TPRG1: variants seen among roughly 807,000 people sequenced by gnomAD.
The protein encoded by TPRG1 is tumor protein p63-regulated gene 1 protein.
Under a neutral mutation model 29.3 loss-of-function variants are expected in TPRG1, and 29 were observed. The ratio of observed to expected loss-of-function variants is 0.99; its 90% CI spans 0.74 to 1.35. The LOEUF (loss-of-function observed/expected upper bound fraction) is 1.35. Among genes scored for constraint, TPRG1 ranks in the 40% most tolerant of loss-of-function variants. TPRG1 has a pLI of 0.00. For missense variants in TPRG1, 327 were observed against 335.0 expected (o/e 0.98, Z 0.19); for synonymous variants, 130 against 116.8 (o/e 1.11, Z -0.73).
At chr3:189,137,942 A>G (rs1483192078) in intron 3 of TPRG1, among the ~76,000 whole-genome samples, 1 of 152,142 alleles carries the variant, frequency 6.6e-6, no homozygotes, top group Non-Finnish European at 1.5e-5. Flanking sequence ...GCCTTAGGGT[A>G]CCTAATTCCA....
intron 3 of TPRG1, among the ~76,000 whole-genome samples, chr3:189,018,368 A>C (rs201387721): frequency 0.071 from 10,655 of 149,598 alleles, 733 homozygotes; most frequent in African/African-American, 0.18. Flanking sequence ...TTTTAGGTCT[A>C]ACGTTTAAGT....
At chr3:189,233,092 G>C (rs1008644665) in intron 3 of TPRG1, among the ~76,000 whole-genome samples, 4 of 151,978 alleles carry the variant, frequency 2.6e-5, no homozygotes, top group Non-Finnish European at 4.4e-5. Context: ...GGTTTGAAGG[G>C]TGCATGAAGG....
chr3:189,243,531 C>A (rs748633756), intron 4 of TPRG1, among the ~76,000 whole-genome samples: 8 of 151,806 alleles, frequency 5.3e-5, no homozygotes, highest in Non-Finnish European at 8.8e-5. Flanking sequence ...CTGAATTCTT[C>A]CCCTGAAAAT....
chr3:189,023,312 G>T (rs1713472739), intron 3 of TPRG1, among the ~76,000 whole-genome samples: 1 of 152,200 alleles, frequency 6.6e-6, no homozygotes. Flanking sequence ...GTGATTGCAT[G>T]GTGAAGTTCT....
intron 1 of TPRG1, among the ~76,000 whole-genome samples, chr3:189,111,743 G>T (rs1720554939): frequency 1.3e-5 from 2 of 152,130 alleles, no homozygotes; most frequent in South Asian, 4.1e-4. Context: ...ATTAGTCCTA[G>T]TAGGTTTCTA....
intron 1 of TPRG1, among the ~76,000 whole-genome samples, chr3:188,999,993 T>C (rs192926867): frequency 1.9e-4 from 29 of 152,266 alleles, no homozygotes; most frequent in African/African-American, 7.0e-4. Flanking sequence ...ATACTCCCAC[T>C]AGCTGAGTAT....
At chr3:189,266,847 T>G (rs934516344) in intron 4 of TPRG1, among the ~76,000 whole-genome samples, 1 of 152,174 alleles carries the variant, frequency 6.6e-6, no homozygotes, top group African/African-American at 2.4e-5. Flanking sequence ...GTTTCAGCTA[T>G]TTCATATAGT....
chr3:189,292,821 A>T (rs1442649143), intron 4 of TPRG1, among the ~76,000 whole-genome samples: 1 of 152,176 alleles, frequency 6.6e-6, no homozygotes, highest in African/African-American at 2.4e-5. Context: ...ACTACCTGGC[A>T]ACGAGCAGAG....
At chr3:189,156,107 ATATT>A (rs1269536851) in intron 5 of TPRG1, among the ~76,000 whole-genome samples, 1 of 152,172 alleles carries the variant, frequency 6.6e-6, no homozygotes, top group Non-Finnish European at 1.5e-5. Flanking sequence ...AATATATACA[ATATT>A]TATTTATCAA....
chr3:189,151,882 CA>C (rs910186340), intron 5 of TPRG1, among the ~76,000 whole-genome samples: 78 of 148,064 alleles, frequency 5.3e-4, no homozygotes, highest in African/African-American at 1.5e-3. Flanking sequence ...CTCCATCTTA[CA>C]AAAAAAAAAT....
Position 189,322,467 on chromosome 3 carries a change from AC to A in TPRG1, c.*1648del, listed in dbSNP as rs1357769270. The A allele has an allele frequency of 1.3e-5, 2 of 152,404 alleles. No individual in the cohort carries two copies. Among genetic ancestry groups the A allele is most frequent in the African/African-American group, 4.8e-5 (2 of 41,384 alleles). 9.4% of individuals were successfully genotyped at this position (152,404 alleles called of 1,614,324 possible). On this transcript the variant is annotated 3_prime_UTR_variant, in exon 6 of 6. Transcript: ENST00000345063. ...ATTGTTATAGTCCCCAAGGCAGGGA[AC>A]TTCTATTCAGACTGTAAAAGGAAAT...
intron 3 of TPRG1, among the ~76,000 whole-genome samples, chr3:189,234,171 G>A (rs924604482): frequency 1.3e-5 from 2 of 152,152 alleles, no homozygotes; most frequent in Non-Finnish European, 2.9e-5. Flanking sequence ...GAGCCACCAC[G>A]CTTGGCCTTG....
At chr3:189,254,919 G>A (rs1711565710) in intron 4 of TPRG1, among the ~76,000 whole-genome samples, 1 of 151,982 alleles carries the variant, frequency 6.6e-6, no homozygotes, top group Non-Finnish European at 1.5e-5. Context: ...AAGGAGTTTT[G>A]GGGCTGAGAA....
At chr3:189,254,621 A>C (rs967018154) in intron 4 of TPRG1, among the ~76,000 whole-genome samples, 3 of 152,136 alleles carry the variant, frequency 2.0e-5, no homozygotes, top group Non-Finnish European at 4.4e-5. Context: ...CAGTACGGCC[A>C]TTTTCACGAT....
At chr3:189,229,200 T>C (rs534539031) in intron 3 of TPRG1, among the ~76,000 whole-genome samples, 3 of 152,270 alleles carry the variant, frequency 2.0e-5, no homozygotes, top group South Asian at 2.1e-4. Context: ...ATCTTCAAAT[T>C]TGAAATACAA....
At chr3:189,013,911 G>A (rs992258034) in intron 3 of TPRG1, among the ~76,000 whole-genome samples, 1 of 152,104 alleles carries the variant, frequency 6.6e-6, no homozygotes, top group Non-Finnish European at 1.5e-5. Context: ...CCTGTGAAAT[G>A]GATCTCTTGA....
intron 5 of TPRG1, among the ~76,000 whole-genome samples, chr3:189,314,292 G>A (rs28484984): frequency 0.088 from 13,372 of 152,142 alleles, 897 homozygotes; most frequent in African/African-American, 0.19. Context: ...CTGAACTGGT[G>A]ATATAGGTTT....
chr3:189,061,124 A>G (rs1268582542), intron 4 of TPRG1, among the ~76,000 whole-genome samples: 1 of 152,198 alleles, frequency 6.6e-6, no homozygotes, highest in East Asian at 1.9e-4. Context: ...CAGAATAGAA[A>G]GCCCAGAAAT....
At chr3:189,073,379 T>C (rs981757732) in intron 4 of TPRG1, among the ~76,000 whole-genome samples, 1 of 152,244 alleles carries the variant, frequency 6.6e-6, no homozygotes, top group Non-Finnish European at 1.5e-5. Flanking sequence ...GTTATTACTC[T>C]CATGACACTA....
Sources: gnomAD v4.1 joint callset for allele counts (sites outside exome capture counted in the v4.1 genomes callset) on GRCh38, gnomAD v4.1.1 for gene constraint, MANE v1.5 for transcripts, NCBI Gene and HGNC (gene_info 2026-07-23, HGNC 2026-07-21) for gene names.